OR4C3: variants seen among roughly 807,000 people sequenced by gnomAD.
OR4C3 encodes olfactory receptor family 4 subfamily C member 3, also known as olfactory receptor 4C3.
For missense variants in OR4C3, 439 were observed against 360.7 expected (o/e 1.22, Z -1.76); for synonymous variants, 186 against 140.1 (o/e 1.33, Z -2.31).
At position 48,325,339 on chromosome 11, in the gene OR4C3, A is replaced by C. The variant is rs200135791; in HGVS notation, c.318A>C (p.Gly106=). ...MAQLFGAHFL[G]GVEIILLTVM... ...AGCTCTTTGGAGCTCATTTTTTGGG[A>C]GGTGTTGAGATCATTCTGCTCACAG... Residue 106 remains glycine (G), a synonymous_variant, in exon 1 of 1, where the codon GGA becomes GGC. Transcript: ENST00000319856. 2.3e-5 allele frequency: 37 copies of C among 1,613,726 alleles called. No individual in the cohort carries two copies. Among genetic ancestry groups the C allele is most frequent in the Non-Finnish European group, 2.9e-5 (34 of 1,179,938 alleles).
Position 48,325,247 on chromosome 11 carries a change from G to T in OR4C3, c.226G>T (p.Ala76Ser), listed in dbSNP as rs147395616. 10 of 1,614,000 alleles carry T rather than the reference G, an allele frequency of 6.2e-6. No homozygotes were observed. The highest frequency in any genetic ancestry group is 1.7e-4 in the Middle Eastern group (1 of 6,056). The change falls in exon 1 of 1, where the codon GCT (alanine) becomes TCT (serine). Residue 76 changes from alanine to serine, a missense_variant. Transcript: ENST00000319856. ...TGACACCTTTTATTCTTCTTCTATG[G>T]CTCCTAAACTCATTGCTGACTCATT... ...FIDTFYSSSM[A>S]PKLIADSLYE...
In OR4C3 at chr11:48,325,594, T is replaced by C. The variant is rs750371209; in HGVS notation, c.573T>C (p.Tyr191=). 8 of 1,613,940 alleles carry C rather than the reference T, an allele frequency of 5.0e-6. No individual in the cohort carries two copies. The highest frequency in any genetic ancestry group is 5.1e-6 in the Non-Finnish European group (6 of 1,179,856). The change falls in exon 1 of 1, where the codon TAT becomes TAC. Residue 191 remains tyrosine, a synonymous_variant. Coordinates refer to ENST00000319856, the MANE Select transcript of OR4C3 (RefSeq NM_001004702.2). Reference sequence around the variant, plus strand: ...TGGAAGTTGCCTGCACCAATACGTATGTCATTGGTCTGCTGGTGGTTGCCA... The same window carrying C: ...TGGAAGTTGCCTGCACCAATACGTACGTCATTGGTCTGCTGGTGGTTGCCA... ...PLLEVACTNT[Y]VIGLLVVANS...
At position 48,325,620 on chromosome 11, in the gene OR4C3, A is replaced by G. The variant is rs1272292479; in HGVS notation, c.599A>G (p.Asn200Ser). 4 of 1,613,940 alleles carry G rather than the reference A, an allele frequency of 2.5e-6. No individual in the cohort carries two copies. The highest frequency in any genetic ancestry group is 3.4e-6 in the Non-Finnish European group (4 of 1,179,988). Residue 200 changes from asparagine to serine, a missense_variant, in exon 1 of 1, where the codon AAC becomes AGC. Coordinates refer to ENST00000319856, the MANE Select transcript of OR4C3 (RefSeq NM_001004702.2). ...TYVIGLLVVA[N>S]SGLICLLNFL... Reference sequence around the variant, plus strand: ...GTCATTGGTCTGCTGGTGGTTGCCAACAGTGGTTTAATCTGCCTGTTGAAC... The same window carrying G: ...GTCATTGGTCTGCTGGTGGTTGCCAGCAGTGGTTTAATCTGCCTGTTGAAC...
At position 48,325,177 on chromosome 11, in the gene OR4C3, G is replaced by C. The variant is rs73463990; in HGVS notation, c.156G>C (p.Thr52=). 8.1e-6 allele frequency: 13 copies of C among 1,614,128 alleles called. 1 individual carries two copies. The highest frequency in any genetic ancestry group is 3.3e-5 in the South Asian group (3 of 91,082). Residue 52 remains threonine, a synonymous_variant, in exon 1 of 1, where the codon ACG becomes ACC. Coordinates refer to ENST00000319856, the MANE Select transcript of OR4C3 (RefSeq NM_001004702.2). ...LIVVTITSSP[T]LASPVYFFLA... ...TGGTCACTATCACCTCCAGCCCCAC[G>C]CTGGCTTCCCCTGTGTATTTTTTCC...
rs372043800 is a variant in OR4C3, at chr11:48,325,249, T to G, written c.228T>G (p.Ala76=). 5.8e-5 allele frequency: 94 copies of G among 1,614,162 alleles called. No homozygotes were observed. The highest frequency in any genetic ancestry group is 7.2e-5 in the Non-Finnish European group (85 of 1,180,002). ...FIDTFYSSSM[A]PKLIADSLYE... ...ACACCTTTTATTCTTCTTCTATGGC[T>G]CCTAAACTCATTGCTGACTCATTGT... is the stretch of plus-strand genomic sequence containing the variant. The change falls in exon 1 of 1, where the codon GCT becomes GCG. Residue 76 remains alanine (A), a synonymous_variant. Transcript: ENST00000319856.
chr11:48,325,752 T>C lies in OR4C3; in HGVS notation c.731T>C (p.Val244Ala). 6.2e-7 allele frequency: 1 copy of C among 1,613,624 alleles called. No homozygotes were observed. The highest frequency in any genetic ancestry group is 1.3e-5 in the African/African-American group (1 of 75,024). Residue 244 changes from valine to alanine, a missense_variant, in exon 1 of 1, where the codon GTT becomes GCT. Physicochemically the swap from Val to Ala is moderately conservative, Grantham distance 64. Coordinates refer to ENST00000319856, the MANE Select transcript of OR4C3 (RefSeq NM_001004702.2). ...ALSTCGAHFI[V>A]VALFFVPCIF... ...TCCACCTGTGGAGCCCACTTCATTG[T>C]TGTTGCCTTGTTCTTTGTGCCCTGT...
Position 48,325,211 on chromosome 11 carries a change from C to G in OR4C3, c.190C>G (p.Leu64Val), listed in dbSNP as rs776040384. ...ASPVYFFLANLSFIDTFYSSS... is the reference protein window; with the variant it reads ...ASPVYFFLANVSFIDTFYSSS... ...CCCTGTGTATTTTTTCCTGGCCAACCTATCCTTTATTGACACCTTTTATTC... is the reference window on the plus strand; with the variant it reads ...CCCTGTGTATTTTTTCCTGGCCAACGTATCCTTTATTGACACCTTTTATTC... The change falls in exon 1 of 1, where the codon CTA (leucine) becomes GTA (valine). Residue 64 changes from leucine (L) to valine (V), a missense_variant. By Grantham distance (32) the Leu-to-Val change is conservative. Transcript: ENST00000319856. 6.2e-7 allele frequency: 1 copy of G among 1,614,152 alleles called. No homozygotes were observed. Among genetic ancestry groups the G allele is most frequent in the Non-Finnish European group, 8.5e-7 (1 of 1,180,012 alleles).
At position 48,325,641 on chromosome 11, in the gene OR4C3, T is replaced by G. The variant is rs754042851; in HGVS notation, c.620T>G (p.Leu207Trp). ...VVANSGLICL[L>W]NFLMLAASYI... ...GCCAACAGTGGTTTAATCTGCCTGT[T>G]GAACTTCCTCATGCTGGCTGCCTCC... Residue 207 changes from leucine (L) to tryptophan (W), a missense_variant, in exon 1 of 1, where the codon TTG becomes TGG. Physicochemically the swap from Leu to Trp is moderately conservative, Grantham distance 61. Transcript: ENST00000319856. 28 of 1,614,040 alleles carry G rather than the reference T, an allele frequency of 1.7e-5. No homozygotes were observed. The highest frequency in any genetic ancestry group is 2.2e-5 in the Non-Finnish European group (26 of 1,180,014).
At position 48,325,785 on chromosome 11, in the gene OR4C3, C is replaced by T. The variant is rs1373495182; in HGVS notation, c.764C>T (p.Thr255Ile). The change falls in exon 1 of 1, where the codon ACT (threonine) becomes ATT (isoleucine). Residue 255 changes from threonine to isoleucine, a missense_variant. By Grantham distance (89) the Thr-to-Ile change is moderately conservative. Transcript: ENST00000319856. ...TTGTTCTTTGTGCCCTGTATATTTACTTATGTGCATCCATTTTCTACTTTA... is the reference window on the plus strand; with the variant it reads ...TTGTTCTTTGTGCCCTGTATATTTATTTATGTGCATCCATTTTCTACTTTA... The part of the protein sequence containing the change: ...VALFFVPCIF[T>I]YVHPFSTLPI... The T allele has an allele frequency of 1.2e-6, 2 of 1,611,904 alleles. No individual in the cohort carries two copies. The highest frequency in any genetic ancestry group is 3.4e-5 in the Admixed American group (2 of 59,578).
chr11:48,325,870 C>T lies in OR4C3; in HGVS notation c.849C>T (p.Leu283=), dbSNP rs754203521. The T allele has an allele frequency of 5.8e-6, 9 of 1,538,952 alleles. 1 individual carries two copies. The South Asian group carries it at 9.0e-5, about 15-fold the overall frequency. Residue 283 remains leucine, a synonymous_variant, in exon 1 of 1, where the codon CTC becomes CTT. Coordinates refer to ENST00000319856, the MANE Select transcript of OR4C3 (RefSeq NM_001004702.2). The part of the protein sequence containing the change: ...YGILTPMLNP[L]IYTLRNEEVK... ...TTCTGACACCTATGTTGAATCCACTCATTTATACCCTGAGAAATGAAGAGG... is the reference window on the plus strand; with the variant it reads ...TTCTGACACCTATGTTGAATCCACTTATTTATACCCTGAGAAATGAAGAGG...
chr11:48,325,431 A>C lies in OR4C3; in HGVS notation c.410A>C (p.His137Pro), dbSNP rs748023796. ...CACAATACTACCATCATGACCAGGC[A>C]TCTCTGTGCCATGCTTGTAGGGGTG... ...PLHNTTIMTR[H>P]LCAMLVGVAW... Residue 137 changes from histidine (H) to proline (P), a missense_variant, in exon 1 of 1, where the codon CAT (histidine) becomes CCT (proline). Transcript: ENST00000319856. The C allele has an allele frequency of 1.2e-6, 2 of 1,613,692 alleles. No individual in the cohort carries two copies. The highest frequency in any genetic ancestry group is 1.3e-5 in the African/African-American group (1 of 74,894).
chr11:48,325,558 G>T lies in OR4C3; in HGVS notation c.537G>T (p.Leu179Phe), dbSNP rs1485747955. 3 of 1,613,726 alleles carry T rather than the reference G, an allele frequency of 1.9e-6. No individual in the cohort carries two copies. In the African/African-American group the frequency reaches 4.0e-5, roughly 22 times the overall value. The change falls in exon 1 of 1, where the codon TTG becomes TTT. Residue 179 changes from leucine (L) to phenylalanine (F), a missense_variant. Transcript: ENST00000319856. ...TGATCAATCACTTTGCCTGTGACTT[G>T]TACCCTTTGCTGGAAGTTGCCTGCA... ...PNVINHFACDLYPLLEVACTN... is the reference protein window; with the variant it reads ...PNVINHFACDFYPLLEVACTN...
rs75720223 is a variant in OR4C3, at chr11:48,325,087, G to C, written c.66G>C (p.Gln22His). 1.5e-5 allele frequency: 25 copies of C among 1,614,102 alleles called. No homozygotes were observed. The African/African-American group carries it at 3.1e-4, about 20-fold the overall frequency. The change falls in exon 1 of 1, where the codon CAG becomes CAC. Residue 22 changes from glutamine (Q) to histidine (H), a missense_variant. Physicochemically the swap from Gln to His is conservative, Grantham distance 24. Transcript: ENST00000319856. Reference sequence around the variant, plus strand: ...GGCTCTCACAGAACTCAGAGGTACAGAGAGTTCTCTTTGTGGTCTTTTTGC... The same window carrying C: ...GGCTCTCACAGAACTCAGAGGTACACAGAGTTCTCTTTGTGGTCTTTTTGC... ...MLGLSQNSEV[Q>H]RVLFVVFLLI...
Position 48,325,136 on chromosome 11 carries a change from G to A in OR4C3, c.115G>A (p.Gly39Ser). ...GCTGATCTATGTGGTCACGGTTTGT[G>A]GCAACATGCTCATTGTGGTCACTAT... is the stretch of plus-strand genomic sequence containing the variant. Reference protein sequence around the residue: ...FLLIYVVTVCGNMLIVVTITS... With the variant: ...FLLIYVVTVCSNMLIVVTITS... The change falls in exon 1 of 1, where the codon GGC (glycine) becomes AGC (serine). Residue 39 changes from glycine to serine, a missense_variant. By Grantham distance (56) the Gly-to-Ser change is moderately conservative. Transcript: ENST00000319856. 1 of 1,614,100 alleles carries A rather than the reference G, an allele frequency of 6.2e-7. No individual in the cohort carries two copies. The highest frequency in any genetic ancestry group is 8.5e-7 in the Non-Finnish European group (1 of 1,180,010).
chr11:48,325,568 C>T lies in OR4C3; in HGVS notation c.547C>T (p.Leu183=), dbSNP rs1160317857. 2.5e-6 allele frequency: 4 copies of T among 1,613,782 alleles called. No individual in the cohort carries two copies. The highest frequency in any genetic ancestry group is 3.4e-6 in the Non-Finnish European group (4 of 1,179,946). The part of the protein sequence containing the change: ...NHFACDLYPL[L]EVACTNTYVI... ...CTTTGCCTGTGACTTGTACCCTTTG[C>T]TGGAAGTTGCCTGCACCAATACGTA... is the stretch of plus-strand genomic sequence containing the variant. Residue 183 remains leucine, a synonymous_variant, in exon 1 of 1, where the codon CTG becomes TTG. Transcript: ENST00000319856.
chr11:48,325,645 C>A lies in OR4C3; in HGVS notation c.624C>A (p.Asn208Lys). ...ACAGTGGTTTAATCTGCCTGTTGAA[C>A]TTCCTCATGCTGGCTGCCTCCTACA... The part of the protein sequence containing the change: ...VANSGLICLL[N>K]FLMLAASYIV... Residue 208 changes from asparagine (N) to lysine (K), a missense_variant, in exon 1 of 1, where the codon AAC (asparagine) becomes AAA (lysine). By Grantham distance (94) the Asn-to-Lys change is moderately conservative. Transcript: ENST00000319856. 1 of 1,614,106 alleles carries A rather than the reference C, an allele frequency of 6.2e-7. No individual in the cohort carries two copies. The highest frequency in any genetic ancestry group is 1.6e-4 in the Middle Eastern group (1 of 6,062).
chr11:48,325,301 T>A lies in OR4C3; in HGVS notation c.280T>A (p.Cys94Ser). 6.2e-7 allele frequency: 1 copy of A among 1,614,198 alleles called. No individual in the cohort carries two copies. The highest frequency in any genetic ancestry group is 8.5e-7 in the Non-Finnish European group (1 of 1,180,024). Residue 94 changes from cysteine (C) to serine (S), a missense_variant, in exon 1 of 1, where the codon TGC becomes AGC. Cys to Ser is a moderately radical substitution (Grantham distance 112). Transcript: ENST00000319856. The stretch of plus-strand genomic sequence containing the variant: ...TGAGGGGAGAACCATCTCTTATGAG[T>A]GCTGCATGGCTCAGCTCTTTGGAGC... ...LYEGRTISYE[C>S]CMAQLFGAHF...
rs761709019 is a variant in OR4C3, at chr11:48,325,391, A to G, written c.370A>G (p.Ile124Val). Reference protein sequence around the residue: ...TVMAYDRYVAICKPLHNTTIM... With the variant: ...TVMAYDRYVAVCKPLHNTTIM... ...GATGGCTTATGACCGCTATGTGGCC[A>G]TCTGTAAGCCCCTGCACAATACTAC... Residue 124 changes from isoleucine to valine, a missense_variant, in exon 1 of 1, where the codon ATC becomes GTC. By Grantham distance (29) the Ile-to-Val change is conservative (BLOSUM62 3). Coordinates refer to ENST00000319856, the MANE Select transcript of OR4C3 (RefSeq NM_001004702.2). The G allele has an allele frequency of 1.2e-6, 2 of 1,613,994 alleles. No homozygotes were observed. Among genetic ancestry groups the G allele is most frequent in the African/African-American group, 1.3e-5 (1 of 74,900 alleles).
rs146308257 is a variant in OR4C3 at position 48,325,567 on chromosome 11, G to T, written c.546G>T (p.Leu182Phe). Reference protein sequence around the residue: ...INHFACDLYPLLEVACTNTYV... With the variant: ...INHFACDLYPFLEVACTNTYV... ...ACTTTGCCTGTGACTTGTACCCTTTGCTGGAAGTTGCCTGCACCAATACGT... is the reference window on the plus strand; with the variant it reads ...ACTTTGCCTGTGACTTGTACCCTTTTCTGGAAGTTGCCTGCACCAATACGT... Residue 182 changes from leucine (L) to phenylalanine (F), a missense_variant, in exon 1 of 1, where the codon TTG (leucine) becomes TTT (phenylalanine). Coordinates refer to ENST00000319856, the MANE Select transcript of OR4C3 (RefSeq NM_001004702.2). The T allele has an allele frequency of 6.2e-7, 1 of 1,613,902 alleles. No homozygotes were observed. Among genetic ancestry groups the T allele is most frequent in the Non-Finnish European group, 8.5e-7 (1 of 1,179,968 alleles).
Sources: allele counts gnomAD v4.1 joint callset, GRCh38; gene constraint gnomAD v4.1.1; transcripts MANE v1.5; gene names NCBI Gene and HGNC (gene_info 2026-07-23, HGNC 2026-07-21).